MAML2: variants seen among roughly 807,000 people sequenced by gnomAD.
MAML2 encodes mastermind-like protein 2.
In MAML2, 22 loss-of-function variants were observed where a neutral mutation model predicts 96.1. The ratio of observed to expected loss-of-function variants is 0.23; its 90% CI spans 0.16 to 0.33. The LOEUF (loss-of-function observed/expected upper bound fraction) is 0.33, where lower values mean the gene tolerates loss of function less well. MAML2 is among the 10% of genes least tolerant of loss of function. MAML2 has a pLI of 1.00. For missense variants in MAML2, 1,367 were observed against 1,392.4 expected (o/e 0.98, Z 0.29); for synonymous variants, 561 against 521.3 (o/e 1.08, Z -1.04).
At chr11:96,167,527 C>T (rs1861213756) in intron 1 of MAML2, among the ~76,000 whole-genome samples, 1 of 152,232 alleles carries the variant, frequency 6.6e-6, no homozygotes, top group African/African-American at 2.4e-5. Flanking sequence ...TCAGCCTCCT[C>T]TTTGTCCCTG....
intron 1 of MAML2, among the ~76,000 whole-genome samples, chr11:96,104,519 A>G (rs2135825173): frequency 6.6e-6 from 1 of 152,328 alleles, no homozygotes; most frequent in Non-Finnish European, 1.5e-5. Flanking sequence ...TTCCTAGTAG[A>G]GGGAGCCTGA....
intron 2 of MAML2, among the ~76,000 whole-genome samples, chr11:95,992,725 T>G (rs1857931851): frequency 6.6e-6 from 1 of 152,206 alleles, no homozygotes; most frequent in African/African-American, 2.4e-5. Flanking sequence ...ATCAGAATGA[T>G]CTGGGAATCA....
intron 3 of MAML2, among the ~76,000 whole-genome samples, chr11:95,987,401 T>C (rs1002119146): frequency 6.6e-6 from 1 of 152,170 alleles, no homozygotes; most frequent in Non-Finnish European, 1.5e-5. Context: ...TTTTATCTTG[T>C]TTGGTATGGA....
chr11:96,045,134 C>T (rs11021399), intron 2 of MAML2, among the ~76,000 whole-genome samples: 1 of 151,988 alleles, frequency 6.6e-6, no homozygotes, highest in Admixed American at 6.5e-5. Flanking sequence ...GGAAGAGCAG[C>T]CTTTTTCTAA....
intron 1 of MAML2, among the ~76,000 whole-genome samples, chr11:96,323,173 G>T (rs191856239): frequency 1.4e-4 from 21 of 151,082 alleles, no homozygotes; most frequent in African/African-American, 4.6e-4. Flanking sequence ...TCCATTCCTA[G>T]TGCTGAGGGT....
intron 1 of MAML2, among the ~76,000 whole-genome samples, chr11:96,204,183 T>G (rs1245010945): frequency 6.6e-6 from 1 of 152,120 alleles, no homozygotes; most frequent in Non-Finnish European, 1.5e-5. Context: ...AGGGTGTAGG[T>G]GCACTTGGAG....
chr11:95,991,967 G>A (rs1857921458), intron 2 of MAML2, among the ~76,000 whole-genome samples: 1 of 152,198 alleles, frequency 6.6e-6, no homozygotes, highest in Admixed American at 6.5e-5. Flanking sequence ...GACTCTGATT[G>A]TGGAACCTCC....
intron 2 of MAML2, among the ~76,000 whole-genome samples, chr11:96,079,736 G>C (rs1020936196): frequency 9.9e-5 from 15 of 152,166 alleles, no homozygotes; most frequent in Non-Finnish European, 1.8e-4. Flanking sequence ...ACCATCAGAT[G>C]AAATGCAACA....
chr11:96,201,583 G>A (rs947695182), intron 1 of MAML2, among the ~76,000 whole-genome samples: 1 of 152,196 alleles, frequency 6.6e-6, no homozygotes, highest in Non-Finnish European at 1.5e-5. Context: ...TAAAAGCTTA[G>A]ACCAAGTGGA....
rs1254365917 is a variant in MAML2 at position 95,993,051 on chromosome 11, AT to A, written c.2140-1329del. 4.6e-5 allele frequency among the ~76,000 whole-genome samples: 7 copies of A among 151,550 alleles called. No individual in the cohort carries two copies. The South Asian group carries it at 1.3e-3, about 27-fold the overall frequency. ...CGTGCGCCACCTGGCTAATTTTTAAATTTTTTTTAGAGACAGGGTGGCTAAT... is the reference window on the plus strand; with the variant it reads ...CGTGCGCCACCTGGCTAATTTTTAAATTTTTTTAGAGACAGGGTGGCTAAT... On this transcript the variant is annotated intron_variant, in intron 2 of 4. Transcript: ENST00000524717.
chr11:95,987,000 C>T (rs565907444), intron 3 of MAML2, among the ~76,000 whole-genome samples: 2 of 152,280 alleles, frequency 1.3e-5, no homozygotes, highest in Admixed American at 6.5e-5. Context: ...GAACACACAT[C>T]ATGAGGGGTC....
Position 96,096,981 on chromosome 11 carries a change from C to A in MAML2, c.514-3464G>T, listed in dbSNP as rs146198228. ...AATTTTGGGGATAGGCTGTGCCCTG[C>A]CTTCTAGAAGTTTTTAATCTAGTTA... On this transcript the variant is annotated intron_variant, in intron 1 of 4. Transcript: ENST00000524717. 2.9e-3 allele frequency among the ~76,000 whole-genome samples: 431 copies of A among 148,670 alleles called. 4 individuals are homozygous for A. The highest frequency in any genetic ancestry group is 0.01 in the African/African-American group (408 of 40,238).
In MAML2 at chr11:95,979,368, A is replaced by G; in HGVS notation, c.3051T>C (p.Pro1017=). 6.2e-7 allele frequency: 1 copy of G among 1,613,778 alleles called. No individual in the cohort carries two copies. The highest frequency in any genetic ancestry group is 1.1e-5 in the South Asian group (1 of 91,036). ...TTTGCACTGCTGGTGTTAACTGGTTAGGAGGAGCCACTGCCCTCTGGGAAA... is the reference window on the plus strand; with the variant it reads ...TTTGCACTGCTGGTGTTAACTGGTTGGGAGGAGCCACTGCCCTCTGGGAAA... ...QQFSQRAVAP[P]NQLTPAVQMR... Residue 1017 remains proline (P), a synonymous_variant, in exon 5 of 5, where the codon CCT becomes CCC. Coordinates refer to ENST00000524717, the MANE Select transcript of MAML2 (RefSeq NM_032427.4).
chr11:96,270,551 C>T lies in MAML2; in HGVS notation c.513+70832G>A, dbSNP rs573561076. On this transcript the variant is annotated intron_variant, in intron 1 of 4. Transcript: ENST00000524717. ...GTCTCGAACTCCTGACCTCGTGATC[C>T]GCCTGTCTTGGCCTCCAAAAGTGCT... 1.1e-4 allele frequency among the ~76,000 whole-genome samples: 16 copies of T among 152,194 alleles called. No homozygotes were observed. In the South Asian group the frequency reaches 1.5e-3, roughly 14 times the overall value.
chr11:96,126,908 G>T (rs34574321), intron 1 of MAML2, among the ~76,000 whole-genome samples: 6 of 136,756 alleles, frequency 4.4e-5, no homozygotes, highest in East Asian at 2.0e-4. Flanking sequence ...ATGGACATGG[G>T]GGGGGTCAAA....
chr11:96,332,753 A>T (rs79461310), intron 1 of MAML2, among the ~76,000 whole-genome samples: 3 of 152,372 alleles, frequency 2.0e-5, no homozygotes, highest in East Asian at 3.9e-4. Flanking sequence ...AGAAACATCA[A>T]CAACAACAAA....
intron 2 of MAML2, among the ~76,000 whole-genome samples, chr11:96,027,455 T>C (rs1858543440): frequency 6.6e-6 from 1 of 152,174 alleles, no homozygotes; most frequent in Non-Finnish European, 1.5e-5. Flanking sequence ...TCGTATTCTC[T>C]CCTTTATACT....
At chr11:96,211,862 G>A (rs1223187623) in intron 1 of MAML2, among the ~76,000 whole-genome samples, 2 of 152,100 alleles carry the variant, frequency 1.3e-5, no homozygotes, top group Admixed American at 1.3e-4. Context: ...AGTTATCTGT[G>A]GCAGAATACA....
chr11:96,168,446 A>C (rs1861227105), intron 1 of MAML2, among the ~76,000 whole-genome samples: 1 of 152,200 alleles, frequency 6.6e-6, no homozygotes, highest in African/African-American at 2.4e-5. Flanking sequence ...GATGAAGTCC[A>C]GGCAGCCCAG....
Sources: gnomAD v4.1 joint callset for allele counts (sites outside exome capture counted in the v4.1 genomes callset) on GRCh38, gnomAD v4.1.1 for gene constraint, MANE v1.5 for transcripts, NCBI Gene and HGNC (gene_info 2026-07-23, HGNC 2026-07-21) for gene names.